The following AP2A2 variants were observed in gnomAD, a reference collection of about 807,000 sequenced individuals.
The protein encoded by AP2A2 is adaptor related protein complex 2 subunit alpha 2.
Under a neutral mutation model 104.2 loss-of-function variants are expected in AP2A2, and 32 were observed. The observed-to-expected ratio is 0.31, with a 90% CI of 0.23 to 0.41. The LOEUF is 0.41. AP2A2 is among the 10% of genes least tolerant of loss of function. The probability of loss-of-function intolerance (pLI) is 1.00; values close to 1 mark genes in which losing one functional copy is unlikely to be tolerated. For synonymous variants in AP2A2, 539 were observed against 533.3 expected (o/e 1.01, Z -0.15); for missense variants, 912 against 1,261.0 (o/e 0.72, Z 4.19).
chr11:1,003,701 A>G (rs1856103337), intron 15 of AP2A2, 21 bp from the exon 16 acceptor site: 2 of 1,568,642 alleles, frequency 1.3e-6, no homozygotes, highest in Non-Finnish European at 1.7e-6. Flanking sequence ...AGTGACACAT[A>G]TACTGTCCCT....
At chr11:994,942 C>A (rs1855801298) in intron 14 of AP2A2, among the ~76,000 whole-genome samples, 1 of 134,412 alleles carries the variant, frequency 7.4e-6, no homozygotes, top group African/African-American at 2.6e-5. Flanking sequence ...ACTGTCCCTG[C>A]TGCACACCCC....
Position 1,009,577 on chromosome 11 carries a change from G to A in AP2A2, c.2608-106G>A, listed in dbSNP as rs1379133593. The A allele has an allele frequency of 1.6e-5, 17 of 1,060,726 alleles. No individual in the cohort carries two copies. The East Asian group carries it at 3.5e-4, about 22-fold the overall frequency. The allele number at this position is 1,060,726 out of a possible 1,614,324, so 65.7% of individuals were successfully genotyped here. A position where few individuals can be genotyped will look rare whatever the true frequency, so the allele number is the denominator to read the frequency against. On this transcript the variant is annotated intron_variant, in intron 20 of 21. Coordinates refer to ENST00000448903, the MANE Select transcript of AP2A2 (RefSeq NM_012305.4). ...AGGGTCTGGAGGGGCGGCCCCGGGG[G>A]ACACGCAGCCCACGACCCAGCGCCA...
intron 4 of AP2A2, among the ~76,000 whole-genome samples, chr11:973,612 A>G (rs1162737313): frequency 6.6e-6 from 1 of 150,982 alleles, no homozygotes. Context: ...TAGGTGGCAG[A>G]GCATGTGGGC....
intron 10 of AP2A2, among the ~76,000 whole-genome samples, chr11:989,184 G>A (rs958382440): frequency 6.6e-6 from 1 of 152,124 alleles, no homozygotes; most frequent in Admixed American, 6.6e-5. Context: ...AAAATTAGCC[G>A]GGCGTAGTGG....
At chr11:950,389 A>G (rs1024414891) in intron 1 of AP2A2, among the ~76,000 whole-genome samples, 5 of 151,374 alleles carry the variant, frequency 3.3e-5, no homozygotes, top group African/African-American at 9.7e-5. Flanking sequence ...TTTCACTGCA[A>G]TCTCCACCTC....
At chr11:998,054 G>A (rs952229439) in intron 14 of AP2A2, among the ~76,000 whole-genome samples, 1 of 152,246 alleles carries the variant, frequency 6.6e-6, no homozygotes, top group Admixed American at 6.5e-5. Flanking sequence ...GGCTTCCCAC[G>A]CAGCTCACAG....
At chr11:947,312 CT>C (rs772099531) in intron 1 of AP2A2, among the ~76,000 whole-genome samples, 1 of 152,200 alleles carries the variant, frequency 6.6e-6, no homozygotes, top group East Asian at 1.9e-4. Context: ...CGCTTGGCCC[CT>C]ATCTGCCTTA....
At position 1,008,133 on chromosome 11, in the gene AP2A2, C is replaced by T. The variant is rs539915630; in HGVS notation, c.2418C>T (p.Phe806=). ...FTEAPVLNIQ[F]RYGGTFQNVS... is the part of the protein sequence containing the mutation. ...AGGCGCCAGTCCTCAACATTCAGTT[C>T]AGGTAAGAGCCGCCTGTGCGCCCCG... Residue 806 remains phenylalanine, a splice_region_variant and synonymous_variant, in exon 18 of 22, where the codon TTC becomes TTT. Transcript: ENST00000448903. 1 of 1,601,938 alleles carries T rather than the reference C, an allele frequency of 6.2e-7. No homozygotes were observed. The highest frequency in any genetic ancestry group is 1.7e-5 in the Admixed American group (1 of 59,274).
chr11:939,523 C>A (rs899063508), intron 1 of AP2A2, among the ~76,000 whole-genome samples: 1 of 151,784 alleles, frequency 6.6e-6, no homozygotes, highest in African/African-American at 2.4e-5. Context: ...CGGCTCACTG[C>A]AACCTCTGCC....
At chr11:954,520 AT>A (rs1322648187) in intron 1 of AP2A2, among the ~76,000 whole-genome samples, 1 of 151,604 alleles carries the variant, frequency 6.6e-6, no homozygotes, top group Non-Finnish European at 1.5e-5. Flanking sequence ...GTACGTGTGT[AT>A]TTCTGTGTAT....
chr11:1,009,578 A>C, intron 20 of AP2A2, 105 bp from the exon 21 acceptor site: 1 of 1,054,672 alleles, frequency 9.5e-7, no homozygotes, highest in Non-Finnish European at 1.3e-6. Context: ...GCCCCGGGGG[A>C]CACGCAGCCC....
At chr11:926,213 C>A (rs1853116234) in intron 1 of AP2A2, 125 bp downstream of exon 1, 8 of 491,446 alleles carry the variant, frequency 1.6e-5, no homozygotes, top group Non-Finnish European at 1.9e-5. Context: ...GGGCCCGGGG[C>A]CTGAGGGTGC....
Position 985,576 on chromosome 11 carries a change from A to G in AP2A2, c.956A>G (p.His319Arg), listed in dbSNP as rs775182997. The change falls in exon 8 of 22, where the codon CAT becomes CGT. Residue 319 changes from histidine (H) to arginine (R), a missense_variant. His to Arg is a conservative substitution (Grantham distance 29). This residue lies in a region of AP2A2 where 350 missense variants were observed against 487.0 expected (regional missense o/e 0.72). Coordinates refer to ENST00000448903, the MANE Select transcript of AP2A2 (RefSeq NM_012305.4). ...GAGGCCATCAGCTTAATCATTCACC[A>G]TGACAGGTGTGTCGGCTGCCTGTGG... ...LFEAISLIIH[H>R]DSEPNLLVRA... 2.5e-6 allele frequency: 4 copies of G among 1,613,826 alleles called. No homozygotes were observed. The highest frequency in any genetic ancestry group is 2.2e-5 in the East Asian group (1 of 44,890).
intron 6 of AP2A2, among the ~76,000 whole-genome samples, chr11:983,436 G>A (rs1038590252): frequency 1.3e-5 from 2 of 151,722 alleles, no homozygotes; most frequent in South Asian, 4.2e-4. Context: ...AGGCTGGAGT[G>A]CAGTGGCACG....
At chr11:971,580 T>G in intron 3 of AP2A2, among the ~76,000 whole-genome samples, 1 of 151,456 alleles carries the variant, frequency 6.6e-6, no homozygotes, top group African/African-American at 2.4e-5. Context: ...TTGCCCTGGG[T>G]CAGTGGGGGT....
At chr11:946,945 T>C (rs1484045014) in intron 1 of AP2A2, 5 of 151,624 alleles carry the variant, frequency 3.3e-5, no homozygotes, top group East Asian at 1.9e-4. Flanking sequence ...CAGCTACATA[T>C]GTCAAGTTAA....
At chr11:1,009,015 C>T in intron 18 of AP2A2, 85 bp from the exon 19 acceptor site, 1 of 1,150,598 alleles carries the variant, frequency 8.7e-7, no homozygotes. Context: ...GATCGGGACG[C>T]TTCTCACTCC....
At chr11:1,009,250 G>A (rs1163881027) in intron 19 of AP2A2, 34 bp downstream of exon 19, 2 of 1,609,208 alleles carry the variant, frequency 1.2e-6, no homozygotes, top group South Asian at 1.1e-5. Context: ...GGTCAGGGGT[G>A]GGGACGGGGC....
intron 2 of AP2A2, among the ~76,000 whole-genome samples, chr11:964,390 G>A (rs900691015): frequency 2.0e-5 from 3 of 152,210 alleles, no homozygotes; most frequent in Non-Finnish European, 2.9e-5. Flanking sequence ...CGGGGCACCA[G>A]TCTGTAGGCT....
Sources: gnomAD v4.1 joint callset for allele counts (sites outside exome capture counted in the v4.1 genomes callset) on GRCh38, gnomAD v4.1.1 for gene constraint, gnomAD v4.1.1 regional missense constraint, MANE v1.5 for transcripts, NCBI Gene and HGNC (gene_info 2026-07-23, HGNC 2026-07-21) for gene names.